The following LRRIQ3 variants were observed in gnomAD, a reference collection of about 807,000 sequenced individuals.
LRRIQ3 encodes the protein leucine rich repeats and IQ motif containing 3, also known as leucine-rich repeat and IQ domain-containing protein 3.
In LRRIQ3, 75 loss-of-function variants were observed where a neutral mutation model predicts 59.3. That is an observed-to-expected ratio of 1.26 (90% confidence interval 1.05 to 1.53). The LOEUF (loss-of-function observed/expected upper bound fraction) is 1.53, where lower values mean the gene tolerates loss of function less well. Ranked by LOEUF, LRRIQ3 falls within the 40% of genes most tolerant of loss-of-function variation. The pLI is 0.00. For synonymous variants in LRRIQ3, 250 were observed against 231.3 expected (o/e 1.08, Z -0.73); for missense variants, 831 against 710.0 (o/e 1.17, Z -1.94).
chr1:74,164,818 T>C (rs1648876826), intron 3 of LRRIQ3, among the ~76,000 whole-genome samples: 1 of 151,530 alleles, frequency 6.6e-6, no homozygotes, highest in Admixed American at 6.6e-5. Context: ...CTATTTTGAG[T>C]TAATTTTTGT....
chr1:74,168,782 A>C (rs905747464), intron 3 of LRRIQ3, among the ~76,000 whole-genome samples: 2 of 152,094 alleles, frequency 1.3e-5, no homozygotes, highest in African/African-American at 4.8e-5. Flanking sequence ...TAGCATACAC[A>C]AAAAGCCTAA....
chr1:74,053,092 T>A (rs563724305), intron 6 of LRRIQ3, among the ~76,000 whole-genome samples: 15 of 150,480 alleles, frequency 1.0e-4, no homozygotes, highest in Admixed American at 8.0e-4. Flanking sequence ...AGTCAACTTA[T>A]CTTTAACAAA....
At chr1:74,106,774 T>A (rs945998740) in intron 5 of LRRIQ3, among the ~76,000 whole-genome samples, 1 of 152,016 alleles carries the variant, frequency 6.6e-6, no homozygotes, top group African/African-American at 2.4e-5. Context: ...CATATTAGTA[T>A]TCAGATTTTC....
intron 4 of LRRIQ3, among the ~76,000 whole-genome samples, chr1:74,124,820 C>G (rs1166966000): frequency 1.3e-5 from 2 of 151,700 alleles, no homozygotes; most frequent in Non-Finnish European, 2.9e-5. Context: ...TCTTCTTGGT[C>G]AAGCTGACTT....
intron 4 of LRRIQ3, among the ~76,000 whole-genome samples, chr1:74,116,330 G>T (rs1293070976): frequency 6.6e-6 from 1 of 151,956 alleles, no homozygotes; most frequent in Non-Finnish European, 1.5e-5. Context: ...ATGTATTAAA[G>T]AATACTATCA....
intron 4 of LRRIQ3, among the ~76,000 whole-genome samples, chr1:74,137,183 C>T (rs1647137638): frequency 2.0e-5 from 3 of 151,788 alleles, no homozygotes; most frequent in African/African-American, 7.3e-5. Flanking sequence ...TTTAAATTCA[C>T]TCCTATTTTA....
intron 4 of LRRIQ3, among the ~76,000 whole-genome samples, chr1:74,153,222 G>A (rs1648097742): frequency 6.6e-6 from 1 of 152,028 alleles, no homozygotes; most frequent in Admixed American, 6.6e-5. Flanking sequence ...AAGAATAAAA[G>A]TATACTTTCC....
intron 5 of LRRIQ3, among the ~76,000 whole-genome samples, chr1:74,093,603 G>A (rs531854270): frequency 6.6e-6 from 1 of 152,212 alleles, no homozygotes; most frequent in African/African-American, 2.4e-5. Flanking sequence ...GCTGCAAGTA[G>A]TGACTTATTC....
intron 3 of LRRIQ3, among the ~76,000 whole-genome samples, chr1:74,167,827 C>G (rs1649084041): frequency 6.6e-6 from 1 of 151,990 alleles, no homozygotes; most frequent in Non-Finnish European, 1.5e-5. Flanking sequence ...CACACACACA[C>G]ACACGAAAGA....
intron 4 of LRRIQ3, among the ~76,000 whole-genome samples, chr1:74,117,478 T>C (rs973954604): frequency 6.6e-6 from 1 of 152,130 alleles, no homozygotes; most frequent in Non-Finnish European, 1.5e-5. Flanking sequence ...AGATTAATAA[T>C]ATACCAGCTT....
intron 6 of LRRIQ3, among the ~76,000 whole-genome samples, chr1:74,063,569 A>T (rs1242610092): frequency 6.6e-6 from 1 of 151,884 alleles, no homozygotes; most frequent in African/African-American, 2.4e-5. Flanking sequence ...TGGGGTTTCT[A>T]TTGTTATGTG....
chr1:74,194,445 A>G (rs1262394983), intron 1 of LRRIQ3, among the ~76,000 whole-genome samples: 3 of 152,190 alleles, frequency 2.0e-5, no homozygotes, highest in African/African-American at 7.2e-5. Flanking sequence ...ATGACATGAA[A>G]AGTCATTCAG....
chr1:74,048,236 T>C (rs1654261163), intron 6 of LRRIQ3, among the ~76,000 whole-genome samples: 1 of 152,188 alleles, frequency 6.6e-6, no homozygotes, highest in Non-Finnish European at 1.5e-5. Flanking sequence ...TAGTGTGTTA[T>C]TAATGGATAA....
chr1:74,139,016 A>T (rs1384423961), intron 4 of LRRIQ3, among the ~76,000 whole-genome samples: 1 of 151,476 alleles, frequency 6.6e-6, no homozygotes, highest in African/African-American at 2.4e-5. Flanking sequence ...TCTACAAAAA[A>T]TAAAGAAATA....
chr1:74,138,391 G>A, intron 4 of LRRIQ3: 1 of 751,322 alleles, frequency 1.3e-6, no homozygotes, highest in Non-Finnish European at 1.6e-6. Context: ...GGGCCAAAAT[G>A]CCCAGACTGT....
chr1:74,148,237 T>C (rs1647699062), intron 4 of LRRIQ3, among the ~76,000 whole-genome samples: 1 of 152,176 alleles, frequency 6.6e-6, no homozygotes, highest in African/African-American at 2.4e-5. Context: ...ATCTACAGTG[T>C]TGGTTGGATA....
chr1:74,184,720 G>C (rs1650244136), intron 1 of LRRIQ3, among the ~76,000 whole-genome samples: 1 of 152,096 alleles, frequency 6.6e-6, no homozygotes, highest in African/African-American at 2.4e-5. Flanking sequence ...AAGGGCATAG[G>C]AATAATGTTA....
Position 74,155,739 on chromosome 1 carries a change from T to G in LRRIQ3, c.701A>C (p.Asn234Thr). The G allele has an allele frequency of 6.4e-7, 1 of 1,569,742 alleles. No homozygotes were observed. The highest frequency in any genetic ancestry group is 8.6e-7 in the Non-Finnish European group (1 of 1,166,146). ...RWIRGFLVRK[N>T]LSPVFFHKKK... ...TAAAGAAAACAAAACATACCTCAAA[T>G]TTTTTCTAACTAAGAAACCACGTAT... is the stretch of plus-strand genomic sequence containing the variant. The change falls in exon 4 of 8, where the codon AAT becomes ACT. Residue 234 changes from asparagine to threonine, a missense_variant. Coordinates refer to ENST00000354431, the MANE Select transcript of LRRIQ3 (RefSeq NM_001105659.2).
At chr1:74,093,642 A>C (rs1646417187) in intron 5 of LRRIQ3, among the ~76,000 whole-genome samples, 1 of 152,088 alleles carries the variant, frequency 6.6e-6, no homozygotes, top group Non-Finnish European at 1.5e-5. Flanking sequence ...TCTCACATGA[A>C]TATCTGAATG....
Sources: allele counts gnomAD v4.1 joint callset (sites outside exome capture counted in the v4.1 genomes callset), GRCh38; gene constraint gnomAD v4.1.1; transcripts MANE v1.5; gene names NCBI Gene and HGNC (gene_info 2026-07-23, HGNC 2026-07-21).